MESP1: variants seen among roughly 807,000 people sequenced by gnomAD.
The protein encoded by MESP1 is mesoderm posterior protein 1.
MESP1 carries 22 observed loss-of-function variants against 15.2 expected under a neutral mutation model. The ratio of observed to expected loss-of-function variants is 1.45; its 90% CI spans 1.04 to 2.07. The LOEUF (loss-of-function observed/expected upper bound fraction) is 2.07. Ranked by LOEUF, MESP1 falls within the 30% of genes most tolerant of loss-of-function variation. The pLI is 0.00. For synonymous variants in MESP1, 216 were observed against 192.6 expected (o/e 1.12, Z -1.01); for missense variants, 484 against 411.9 (o/e 1.17, Z -1.51).
At chr15:89,735,612 G>A in the MESP1 span, 1 of 1,531,542 alleles carries the variant, frequency 6.5e-7, no homozygotes, top group Non-Finnish European at 9.0e-7. Context: ...TTCTGTGAAT[G>A]TGTTCATCTG....
Position 89,750,158 on chromosome 15 carries a change from C to G in MESP1, c.793G>C (p.Glu265Gln), listed in dbSNP as rs761487339. The G allele has an allele frequency of 2.5e-5, 41 of 1,613,818 alleles. No homozygotes were observed. Among genetic ancestry groups the G allele is most frequent in the Non-Finnish European group, 2.6e-5 (31 of 1,179,980 alleles). The change falls in exon 2 of 2, where the codon GAG becomes CAG. Residue 265 changes from glutamate (E) to glutamine (Q), a missense_variant. By Grantham distance (29) the Glu-to-Gln change is conservative. Coordinates refer to ENST00000300057, the MANE Select transcript of MESP1 (RefSeq NM_018670.4). The part of the protein sequence containing the change: ...MPLSPLEWLP[E>Q]EPK ...GTTGTCCCTTGTCACTTGGGCTCCTCAGGCAGCCACTCCAGAGGCGAGAGG... is the reference window on the plus strand; with the variant it reads ...GTTGTCCCTTGTCACTTGGGCTCCTGAGGCAGCCACTCCAGAGGCGAGAGG...
chr15:89,734,218 A>C, the MESP1 span, among the ~76,000 whole-genome samples: 1,817 of 152,268 alleles, frequency 0.012, 39 homozygotes, highest in African/African-American at 0.042. Context: ...TGGTTTAAGA[A>C]AATAGTCAGT....
the MESP1 span, chr15:89,735,569 C>T: frequency 6.2e-7 from 1 of 1,612,580 alleles, no homozygotes; most frequent in Non-Finnish European, 8.5e-7. Flanking sequence ...TTCCCCATGC[C>T]TCTCTGTAAA....
Position 89,750,682 on chromosome 15 carries a change from C to T in MESP1, c.550G>A (p.Gly184Arg), listed in dbSNP as rs770688935. 1 of 1,361,530 alleles carries T rather than the reference C, an allele frequency of 7.3e-7. No homozygotes were observed. Among genetic ancestry groups the T allele is most frequent in the Non-Finnish European group, 9.4e-7 (1 of 1,063,182 alleles). The allele number at this position is 1,361,530 out of a possible 1,614,324, so 84.3% of individuals were successfully genotyped here. Reference sequence around the variant, plus strand: ...ACCAGGCCCAGCCCGCGCCCCTGCCCCTGCCCCTCAGCCTGCGTCCGTGTC... The same window carrying T: ...ACCAGGCCCAGCCCGCGCCCCTGCCTCTGCCCCTCAGCCTGCGTCCGTGTC... ...MQTRTQAEGQ[G>R]QGRGLGLVSA... Residue 184 changes from glycine to arginine, a missense_variant, in exon 1 of 2, where the codon GGG becomes AGG. By Grantham distance (125) the Gly-to-Arg change is moderately radical (BLOSUM62 -2). Transcript: ENST00000300057.
chr15:89,750,892 C>A lies in MESP1; in HGVS notation c.340G>T (p.Ala114Ser), dbSNP rs1968079713. ...ELRRFLPPSVAPAGQSLTKIE... is the reference protein window; with the variant it reads ...ELRRFLPPSVSPAGQSLTKIE... ...TTGGTCAGGCTCTGGCCCGCGGGCGCCACGGACGGCGGTAGAAAGCGGCGC... is the reference window on the plus strand; with the variant it reads ...TTGGTCAGGCTCTGGCCCGCGGGCGACACGGACGGCGGTAGAAAGCGGCGC... The change falls in exon 1 of 2, where the codon GCG becomes TCG. Residue 114 changes from alanine (A) to serine (S), a missense_variant. Coordinates refer to ENST00000300057, the MANE Select transcript of MESP1 (RefSeq NM_018670.4). 1.3e-6 allele frequency: 2 copies of A among 1,495,450 alleles called. No individual in the cohort carries two copies. The highest frequency in any genetic ancestry group is 2.3e-5 in the Admixed American group (1 of 43,264). The allele number at this position is 1,495,450 out of a possible 1,614,324, so 92.6% of individuals were successfully genotyped here.
chr15:89,738,520 G>A, the MESP1 span, among the ~76,000 whole-genome samples: 1 of 151,542 alleles, frequency 6.6e-6, no homozygotes, highest in Non-Finnish European at 1.5e-5. Flanking sequence ...CCAGCTACTC[G>A]GGAGGCTGAG....
At chr15:89,735,202 G>A in the MESP1 span, among the ~76,000 whole-genome samples, 2 of 152,054 alleles carry the variant, frequency 1.3e-5, no homozygotes, top group Non-Finnish European at 2.9e-5. Flanking sequence ...TATTTATTCT[G>A]CATCTTGCTT....
chr15:89,750,090 G>T lies in MESP1; in HGVS notation c.*54C>A. The T allele has an allele frequency of 6.5e-7, 1 of 1,533,090 alleles. No homozygotes were observed. Among genetic ancestry groups the T allele is most frequent in the Non-Finnish European group, 9.0e-7 (1 of 1,106,464 alleles). 95.0% of individuals were successfully genotyped at this position (1,533,090 alleles called of 1,614,324 possible). A position where few individuals can be genotyped will look rare whatever the true frequency, so the allele number is the denominator to read the frequency against. The stretch of plus-strand genomic sequence containing the variant: ...AGTCTGCCAAGGAACCACTTCGAAG[G>T]TGCTGAGGCCAAAAAGCCTCGGTGC... On this transcript the variant is annotated 3_prime_UTR_variant, in exon 2 of 2. Coordinates refer to ENST00000300057, the MANE Select transcript of MESP1 (RefSeq NM_018670.4).
the MESP1 span, chr15:89,743,234 G>A: frequency 7.6e-6 from 12 of 1,576,892 alleles, no homozygotes; most frequent in African/African-American, 1.3e-5. Context: ...TGCCCTGGGG[G>A]CTCGGGAGCT....
the MESP1 span, chr15:89,737,595 G>A: frequency 6.2e-7 from 1 of 1,614,158 alleles, no homozygotes; most frequent in Non-Finnish European, 8.5e-7. Flanking sequence ...TCCAAGAATG[G>A]CTCTGTGTGC....
At chr15:89,742,125 C>T in the MESP1 span, among the ~76,000 whole-genome samples, 5 of 151,948 alleles carry the variant, frequency 3.3e-5, no homozygotes, top group South Asian at 2.1e-4. Context: ...CTGTGGCTCA[C>T]GCCTGTAATC....
Position 89,750,672 on chromosome 15 carries a change from C to A in MESP1, c.560G>T (p.Arg187Leu), listed in dbSNP as rs556672934. The change falls in exon 1 of 2, where the codon CGC becomes CTC. Residue 187 changes from arginine to leucine, a missense_variant. Transcript: ENST00000300057. The part of the protein sequence containing the change: ...RTQAEGQGQG[R>L]GLGLVSAVRA... ...GACGGCGGATACCAGGCCCAGCCCGCGCCCCTGCCCCTGCCCCTCAGCCTG... is the reference window on the plus strand; with the variant it reads ...GACGGCGGATACCAGGCCCAGCCCGAGCCCCTGCCCCTGCCCCTCAGCCTG... 132 of 1,356,610 alleles carry A rather than the reference C, an allele frequency of 9.7e-5. 2 individuals carry two copies. In the African/African-American group the frequency reaches 1.7e-3, roughly 17 times the overall value. 84.0% of individuals were successfully genotyped at this position (1,356,610 alleles called of 1,614,324 possible). A position where few individuals can be genotyped will look rare whatever the true frequency, so the allele number is the denominator to read the frequency against.
downstream of MESP1, among the ~76,000 whole-genome samples, chr15:89,747,792 C>T (rs929244717): frequency 4.6e-5 from 7 of 152,230 alleles, no homozygotes; most frequent in African/African-American, 1.7e-4. Flanking sequence ...GCTGGGGTTA[C>T]CTTGCAGCGG....
rs2141754097 is a variant in MESP1, at chr15:89,750,044, G to A, written c.*100C>T. 2.5e-6 allele frequency: 3 copies of A among 1,194,698 alleles called. No homozygotes were observed. Among genetic ancestry groups the A allele is most frequent in the East Asian group, 4.7e-5 (2 of 42,782 alleles). The allele number at this position is 1,194,698 out of a possible 1,614,324, so 74.0% of individuals were successfully genotyped here. The stretch of plus-strand genomic sequence containing the variant: ...AGGAATGCCCCCGTCGGGATCGCCC[G>A]TGCCCTCTTCCAGGAAAGGCAGTCT... On this transcript the variant is annotated 3_prime_UTR_variant, in exon 2 of 2. Transcript: ENST00000300057.
downstream of MESP1, among the ~76,000 whole-genome samples, chr15:89,748,265 TGA>T (rs148406149): frequency 0.021 from 3,179 of 151,592 alleles, 118 homozygotes; most frequent in African/African-American, 0.074. Context: ...GGGAGGGGAG[TGA>T]GAGATGGGAC....
chr15:89,748,661 C>T (rs549093360), downstream of MESP1: 1 of 152,232 alleles, frequency 6.6e-6, no homozygotes, highest in African/African-American at 2.4e-5. Context: ...CACAAAAGGC[C>T]GTATTTTGCG....
chr15:89,735,864 G>C, the MESP1 span, among the ~76,000 whole-genome samples: 1 of 152,196 alleles, frequency 6.6e-6, no homozygotes, highest in Non-Finnish European at 1.5e-5. Flanking sequence ...CAGCAGGGGA[G>C]GACTGTGTTT....
chr15:89,733,126 A>C, the MESP1 span: 14 of 1,614,102 alleles, frequency 8.7e-6, no homozygotes, highest in Non-Finnish European at 1.2e-5. Context: ...GTGAAATCCC[A>C]AATGAAATGT....
the MESP1 span, among the ~76,000 whole-genome samples, chr15:89,739,621 G>C: frequency 1.3e-5 from 2 of 152,142 alleles, no homozygotes; most frequent in Non-Finnish European, 2.9e-5. Flanking sequence ...GATTCCTTTT[G>C]GGATCTGACC....
Sources: allele counts gnomAD v4.1 joint callset (sites outside exome capture counted in the v4.1 genomes callset), GRCh38; gene constraint gnomAD v4.1.1; transcripts MANE v1.5; gene names NCBI Gene and HGNC (gene_info 2026-07-23, HGNC 2026-07-21).